Variants in TRIO observed in about 807,000 individuals in gnomAD.
TRIO encodes the protein triple functional domain protein.
In TRIO, 58 loss-of-function variants were observed where a neutral mutation model predicts 351.9. The observed-to-expected ratio is 0.16, with a 90% CI of 0.13 to 0.21. The LOEUF (loss-of-function observed/expected upper bound fraction) is 0.21. TRIO is among the 10% of genes least tolerant of loss of function. The pLI is 1.00. For synonymous variants in TRIO, 1,758 were observed against 1,595.7 expected (o/e 1.10, Z -2.42); for missense variants, 3,201 against 4,027.8 (o/e 0.79, Z 5.56).
chr5:14,491,991 A>C (rs532836225), intron 48 of TRIO, among the ~76,000 whole-genome samples: 6 of 152,218 alleles, frequency 3.9e-5, no homozygotes, highest in Non-Finnish European at 8.8e-5. Context: ...ATTTACGTTC[A>C]GGGGTTCCAT....
At position 14,358,361 on chromosome 5, in the gene TRIO, C is replaced by T. The variant is rs1278149772; in HGVS notation, c.2216+14C>T. 3 of 1,613,052 alleles carry T rather than the reference C, an allele frequency of 1.9e-6. No homozygotes were observed. The highest frequency in any genetic ancestry group is 3.3e-5 in the Admixed American group (2 of 60,004). On this transcript the variant is annotated intron_variant, in intron 12 of 56. Coordinates refer to ENST00000344204, the MANE Select transcript of TRIO (RefSeq NM_007118.4). ...CCAGCAGCTCAGGTGGGCCTCACCCCTCTCCTGGTCCGAACAGATTCTGAA... is the reference window on the plus strand; with the variant it reads ...CCAGCAGCTCAGGTGGGCCTCACCCTTCTCCTGGTCCGAACAGATTCTGAA...
chr5:14,476,927 A>C lies in TRIO; in HGVS notation c.6117A>C (p.Glu2039Asp), dbSNP rs374834393. 40 of 1,614,122 alleles carry C rather than the reference A, an allele frequency of 2.5e-5. No individual in the cohort carries two copies. In the African/African-American group the frequency reaches 4.9e-4, roughly 20 times the overall value. The change falls in exon 41 of 57, where the codon GAA becomes GAC. Residue 2039 changes from glutamate to aspartate, a missense_variant. Physicochemically the swap from Glu to Asp is conservative, Grantham distance 45. Transcript: ENST00000344204. Reference sequence around the variant, plus strand: ...TAGGAGAGTTAGAGAAGTGCCTTGAAGATCCAGAAAAACTAGGATCCCTTT... The same window carrying C: ...TAGGAGAGTTAGAGAAGTGCCTTGACGATCCAGAAAAACTAGGATCCCTTT... ...FFLGELEKCL[E>D]DPEKLGSLFV...
At chr5:14,250,063 A>G (rs1794650551) in intron 1 of TRIO, among the ~76,000 whole-genome samples, 1 of 152,202 alleles carries the variant, frequency 6.6e-6, no homozygotes, top group Admixed American at 6.5e-5. Context: ...CTTTTGGAGC[A>G]TGTTTTATTT....
At chr5:14,342,283 C>T (rs1001215138) in intron 11 of TRIO, among the ~76,000 whole-genome samples, 1 of 152,248 alleles carries the variant, frequency 6.6e-6, no homozygotes, top group Non-Finnish European at 1.5e-5. Context: ...ATACCCAGTG[C>T]TCTCTCAAGC....
In TRIO at chr5:14,400,989, T is replaced by C. The variant is rs1748027726; in HGVS notation, c.4641T>C (p.His1547=). The C allele has an allele frequency of 6.2e-7, 1 of 1,613,996 alleles. No homozygotes were observed. The highest frequency in any genetic ancestry group is 8.5e-7 in the Non-Finnish European group (1 of 1,180,024). Residue 1547 remains histidine, a synonymous_variant, in exon 31 of 57, where the codon CAT becomes CAC. Transcript: ENST00000344204. ...LFTSELGVTE[H]VEGDPCKFAL... ...CCTCAGAGTTGGGTGTCACAGAACA[T>C]GTTGAAGGAGACCCTTGCAAATTTG...
chr5:14,312,564 A>G (rs1294448807), intron 8 of TRIO, among the ~76,000 whole-genome samples: 1 of 152,240 alleles, frequency 6.6e-6, no homozygotes, highest in African/African-American at 2.4e-5. Context: ...AAAAATTATT[A>G]TAGGAAAGTC....
In TRIO at chr5:14,508,109, A is replaced by G; in HGVS notation, c.8981A>G (p.Asp2994Gly). The change falls in exon 57 of 57, where the codon GAT (aspartate) becomes GGT (glycine). Residue 2994 changes from aspartate to glycine, a missense_variant. Around this residue, in one of 19 missense-constraint regions of TRIO, gnomAD observed 233 missense variants for 292.6 expected, o/e 0.80. Coordinates refer to ENST00000344204, the MANE Select transcript of TRIO (RefSeq NM_007118.4). ...VLLSGVSPFL[D>G]DSVEETCLNI... ...CTTAGTGGCGTGTCCCCCTTCCTGG[A>G]TGACAGTGTGGAAGAGACCTGCCTG... 2 of 1,614,164 alleles carry G rather than the reference A, an allele frequency of 1.2e-6. No individual in the cohort carries two copies. Among genetic ancestry groups the G allele is most frequent in the Non-Finnish European group, 1.7e-6 (2 of 1,180,030 alleles).
At chr5:14,358,064 T>G in intron 11 of TRIO, 114 bp from the exon 12 acceptor site, 3 of 1,306,742 alleles carry the variant, frequency 2.3e-6, no homozygotes, top group Non-Finnish European at 2.1e-6. Flanking sequence ...CTGTCACCAG[T>G]CCCCTCCCAG....
At chr5:14,443,379 T>G (rs1440698432) in intron 34 of TRIO, among the ~76,000 whole-genome samples, 1 of 152,212 alleles carries the variant, frequency 6.6e-6, no homozygotes, top group Non-Finnish European at 1.5e-5. Flanking sequence ...TTATAGTAAT[T>G]TCAAGACAAT....
intron 34 of TRIO, among the ~76,000 whole-genome samples, chr5:14,422,381 T>A (rs571830142): frequency 6.6e-6 from 1 of 152,378 alleles, no homozygotes; most frequent in South Asian, 2.1e-4. Flanking sequence ...TTCTAGTGTC[T>A]CTACATTTTC....
chr5:14,504,042 A>T (rs945886411), intron 54 of TRIO, among the ~76,000 whole-genome samples: 5 of 152,224 alleles, frequency 3.3e-5, no homozygotes, highest in African/African-American at 1.2e-4. Flanking sequence ...GTGAGCAGCC[A>T]TCCCAGCTTC....
chr5:14,373,259 C>T (rs1745276845), intron 18 of TRIO, among the ~76,000 whole-genome samples: 1 of 152,126 alleles, frequency 6.6e-6, no homozygotes, highest in Non-Finnish European at 1.5e-5. Flanking sequence ...TCAGACAACT[C>T]GAAATTTCAC....
At chr5:14,421,034 T>C (rs1750082657) in intron 34 of TRIO, among the ~76,000 whole-genome samples, 1 of 152,020 alleles carries the variant, frequency 6.6e-6, no homozygotes, top group South Asian at 2.1e-4. Flanking sequence ...CATTTTGTTT[T>C]TCCCTATGAT....
At chr5:14,190,883 A>T (rs960022342) in intron 1 of TRIO, among the ~76,000 whole-genome samples, 1 of 152,386 alleles carries the variant, frequency 6.6e-6, no homozygotes, top group East Asian at 1.9e-4. Flanking sequence ...AGAAAGCCAG[A>T]TAACGGATAG....
rs954363268 is a variant in TRIO, at chr5:14,143,925, A to G, written c.157+43A>G. ...CGGCCCGCCCAGCGGCGCTGCCCCAAGCGCTCGGCCGACCCGCCGCGGAGC... is the reference window on the plus strand; with the variant it reads ...CGGCCCGCCCAGCGGCGCTGCCCCAGGCGCTCGGCCGACCCGCCGCGGAGC... On this transcript the variant is annotated intron_variant, in intron 1 of 56. Coordinates refer to ENST00000344204, the MANE Select transcript of TRIO (RefSeq NM_007118.4). 3.8e-6 allele frequency: 4 copies of G among 1,047,186 alleles called. No individual in the cohort carries two copies. In the African/African-American group the frequency reaches 6.8e-5, roughly 18 times the overall value. The allele number at this position is 1,047,186 out of a possible 1,614,324, so 64.9% of individuals were successfully genotyped here. A position where few individuals can be genotyped will look rare whatever the true frequency, so the allele number is the denominator to read the frequency against.
At position 14,441,696 on chromosome 5, in the gene TRIO, G is replaced by A. The variant is rs189468085; in HGVS notation, c.5204-19323G>A. Among the ~76,000 whole-genome samples, 3 of 152,274 alleles carry A rather than the reference G, an allele frequency of 2.0e-5. No homozygotes were observed. The East Asian group carries it at 5.8e-4, about 29-fold the overall frequency. On this transcript the variant is annotated intron_variant, in intron 34 of 56. Transcript: ENST00000344204. ...TGTAAAGTAATCTGTGCTACAAATT[G>A]CCTTATGATTTTAGTTGGCTTTATG...
At chr5:14,241,466 G>A (rs973065474) in intron 1 of TRIO, among the ~76,000 whole-genome samples, 1 of 152,220 alleles carries the variant, frequency 6.6e-6, no homozygotes, top group African/African-American at 2.4e-5. Flanking sequence ...TGCTATGGGA[G>A]TGGTCTGAGA....
At position 14,444,440 on chromosome 5, in the gene TRIO, T is replaced by G. The variant is rs141964888; in HGVS notation, c.5204-16579T>G. Among the ~76,000 whole-genome samples, 1,454 of 152,318 alleles carry G rather than the reference T, an allele frequency of 9.5e-3. 22 individuals carry two copies. The highest frequency in any genetic ancestry group is 0.033 in the African/African-American group (1,390 of 41,556). On this transcript the variant is annotated intron_variant, in intron 34 of 56. Coordinates refer to ENST00000344204, the MANE Select transcript of TRIO (RefSeq NM_007118.4). ...TTTTTGCCCTTTAAGTATCTTTAAGTGAATGGTTTAAGACAGGATGTGCAG... is the reference window on the plus strand; with the variant it reads ...TTTTTGCCCTTTAAGTATCTTTAAGGGAATGGTTTAAGACAGGATGTGCAG...
At chr5:14,408,061 C>G (rs1463371528) in intron 33 of TRIO, among the ~76,000 whole-genome samples, 1 of 152,220 alleles carries the variant, frequency 6.6e-6, no homozygotes, top group African/African-American at 2.4e-5. Context: ...CTCTGCACAT[C>G]ATTTCCGCAG....
Sources: gnomAD v4.1 joint callset for allele counts (sites outside exome capture counted in the v4.1 genomes callset) on GRCh38, gnomAD v4.1.1 for gene constraint, gnomAD v4.1.1 regional missense constraint, MANE v1.5 for transcripts, NCBI Gene and HGNC (gene_info 2026-07-23, HGNC 2026-07-21) for gene names.